TTC27: variants seen among roughly 807,000 people sequenced by gnomAD.
The protein encoded by TTC27 is tetratricopeptide repeat protein 27.
In TTC27, 79 loss-of-function variants were observed where a neutral mutation model predicts 115.9. The observed-to-expected ratio is 0.68, with a 90% confidence interval of 0.57 to 0.82. The LOEUF is 0.82. Ranked by LOEUF, TTC27 falls within the 40% of genes least tolerant of loss-of-function variation. The pLI, the probability that TTC27 is intolerant of heterozygous loss-of-function variation, is 0.00. For missense variants in TTC27, 1,054 were observed against 993.1 expected, an observed-to-expected ratio of 1.06 and a Z score of -0.82; for synonymous variants, 401 against 356.0, an observed-to-expected ratio of 1.13 and a Z score of -1.42.
intron 12 of TTC27, among the ~76,000 whole-genome samples, chr2:32,751,258 CCACACACACACACA>C (rs56183534): frequency 8.9e-4 from 126 of 140,854 alleles, no homozygotes; most frequent in African/African-American, 2.8e-3. Flanking sequence ...GTAGGTTAAA[CCACACACACACACA>C]CACACACACA....
At chr2:32,737,803 G>A (rs1668495732) in intron 12 of TTC27, among the ~76,000 whole-genome samples, 1 of 152,020 alleles carries the variant, frequency 6.6e-6, no homozygotes, top group Non-Finnish European at 1.5e-5. Context: ...AGGAGTTCAA[G>A]ACCAGCCTGG....
chr2:32,808,447 G>C (rs960912473), intron 16 of TTC27, among the ~76,000 whole-genome samples: 1 of 152,048 alleles, frequency 6.6e-6, no homozygotes, highest in Non-Finnish European at 1.5e-5. Context: ...ATTGGTTATT[G>C]CCTCCCTCCT....
At chr2:32,811,321 G>T (rs1671310103) in intron 17 of TTC27, 100 bp downstream of exon 17, 1 of 1,129,344 alleles carries the variant, frequency 8.9e-7, no homozygotes, top group Non-Finnish European at 1.3e-6. Context: ...CAATCTGAAA[G>T]ATAAGATTAG....
chr2:32,641,366 G>A (rs746928166), intron 4 of TTC27, among the ~76,000 whole-genome samples: 1 of 152,128 alleles, frequency 6.6e-6, no homozygotes, highest in East Asian at 1.9e-4. Context: ...TCATTAAATG[G>A]ACATGACTGT....
intron 8 of TTC27, among the ~76,000 whole-genome samples, chr2:32,677,696 G>C (rs556340331): frequency 6.6e-6 from 1 of 151,636 alleles, no homozygotes; most frequent in African/African-American, 2.4e-5. Context: ...TGATTCATTC[G>C]CCTGCCTCAG....
intron 8 of TTC27, among the ~76,000 whole-genome samples, chr2:32,673,229 T>TC (rs1255877047): frequency 6.6e-6 from 1 of 151,484 alleles, no homozygotes; most frequent in Non-Finnish European, 1.5e-5. Context: ...TTATGCATTT[T>TC]TTTTTTTTTC....
At chr2:32,727,922 T>A (rs1216883386) in intron 10 of TTC27, among the ~76,000 whole-genome samples, 6 of 152,058 alleles carry the variant, frequency 3.9e-5, no homozygotes, top group Admixed American at 3.9e-4. Flanking sequence ...CCCTTAATAA[T>A]TTATAAGAGT....
chr2:32,727,313 A>C (rs146713850), intron 10 of TTC27, among the ~76,000 whole-genome samples: 4 of 152,328 alleles, frequency 2.6e-5, no homozygotes, highest in African/African-American at 9.6e-5. Context: ...TTTTCCAAAA[A>C]ACTAGTGCAT....
At position 32,736,777 on chromosome 2, in the gene TTC27, T is replaced by C; in HGVS notation, c.1413T>C (p.Asp471=). ...QIFEKLEMWE[D]VVICYERAGQ... ...TTGAAAAGCTAGAAATGTGGGAAGA[T>C]GTTGTCATTTGTTATGAAAGAGCCG... Residue 471 remains aspartate, a synonymous_variant, in exon 12 of 20, where the codon GAT becomes GAC. Transcript: ENST00000317907. 6.2e-7 allele frequency: 1 copy of C among 1,614,006 alleles called. No individual in the cohort carries two copies. Among genetic ancestry groups the C allele is most frequent in the Middle Eastern group, 1.6e-4 (1 of 6,062 alleles).
At chr2:32,723,249 T>C (rs1213297105) in intron 10 of TTC27, among the ~76,000 whole-genome samples, 1 of 152,160 alleles carries the variant, frequency 6.6e-6, no homozygotes. Flanking sequence ...ATGCTTTAGT[T>C]TTCCCTGAGA....
intron 5 of TTC27, among the ~76,000 whole-genome samples, chr2:32,658,337 A>T (rs1665412961): frequency 6.6e-6 from 1 of 152,020 alleles, no homozygotes; most frequent in Admixed American, 6.6e-5. Context: ...CTGGTCTTGA[A>T]TTCCTGGCTT....
At chr2:32,629,894 T>C (rs2151856750) in intron 1 of TTC27, among the ~76,000 whole-genome samples, 1 of 151,846 alleles carries the variant, frequency 6.6e-6, no homozygotes, top group South Asian at 2.1e-4. Context: ...TGTGTGTATG[T>C]GTGTGTGTGT....
rs1401933893 is a variant in TTC27 at position 32,664,473 on chromosome 2, A to T, written c.805+6A>T. ...ATTACAAATTGATTTGACAGGTAAG[A>T]CTTATTTTTTGTGGATAATTGATTT... On this transcript the variant is annotated splice_donor_region_variant and intron_variant, in intron 6 of 19. Transcript: ENST00000317907. 3.8e-6 allele frequency: 6 copies of T among 1,593,394 alleles called. No individual in the cohort carries two copies. The Middle Eastern group carries it at 6.8e-4, about 179-fold the overall frequency.
At position 32,634,288 on chromosome 2, in the gene TTC27, A is replaced by G. The variant is rs149572583; in HGVS notation, c.396+283A>G. Among the ~76,000 whole-genome samples, 433 of 151,934 alleles carry G rather than the reference A, an allele frequency of 2.8e-3. 1 individual carries two copies. The highest frequency in any genetic ancestry group is 5.2e-3 in the Non-Finnish European group (354 of 67,974). On this transcript the variant is annotated intron_variant, in intron 3 of 19. Transcript: ENST00000317907. ...GTTGTTTAGTTGGTTGTATCACCTC[A>G]GTTACATAAAGATTTTTTTTTTTTG...
intron 6 of TTC27, among the ~76,000 whole-genome samples, chr2:32,666,189 G>A (rs1181442438): frequency 2.0e-5 from 3 of 152,152 alleles, no homozygotes; most frequent in Admixed American, 6.5e-5. Flanking sequence ...GTCAGATAGT[G>A]TAATAAACTG....
intron 16 of TTC27, among the ~76,000 whole-genome samples, chr2:32,795,536 TTA>T (rs1670670393): frequency 1.9e-5 from 1 of 52,872 alleles, no homozygotes; most frequent in Non-Finnish European, 4.1e-5. Context: ...CTTTTCTTAT[TTA>T]TTTATTTATT....
chr2:32,697,753 AAGAAT>A (rs913194254), intron 9 of TTC27, among the ~76,000 whole-genome samples: 80 of 150,804 alleles, frequency 5.3e-4, no homozygotes, highest in African/African-American at 1.9e-3. Flanking sequence ...TTAGGAAAGA[AAGAAT>A]TTTTTTTTTT....
intron 13 of TTC27, among the ~76,000 whole-genome samples, chr2:32,761,235 C>G (rs1034565035): frequency 1.1e-4 from 16 of 152,242 alleles, no homozygotes; most frequent in Admixed American, 1.0e-3. Context: ...TTCCTCTTAC[C>G]CGTATACCCC....
At chr2:32,706,181 C>G (rs1421787926) in intron 10 of TTC27, among the ~76,000 whole-genome samples, 1 of 132,886 alleles carries the variant, frequency 7.5e-6, no homozygotes, top group East Asian at 2.4e-4. Flanking sequence ...TCCCTGGGTT[C>G]AAACGATTCT....
Sources: allele counts gnomAD v4.1 joint callset (sites outside exome capture counted in the v4.1 genomes callset), GRCh38; gene constraint gnomAD v4.1.1; transcripts MANE v1.5; gene names NCBI Gene and HGNC (gene_info 2026-07-23, HGNC 2026-07-21).